The following PCDHA11 variants were observed in gnomAD, a reference collection of about 807,000 sequenced individuals.
PCDHA11 encodes the protein protocadherin alpha-11.
PCDHA11 carries 61 observed loss-of-function variants against 70.3 expected under a neutral mutation model. The observed-to-expected ratio is 0.87, with a 90% confidence interval of 0.71 to 1.07. PCDHA11 has a LOEUF of 1.07. PCDHA11 is among the 50% of genes least tolerant of loss of function. PCDHA11 has a pLI of 0.00. For synonymous variants in PCDHA11, 633 were observed against 555.1 expected (o/e 1.14, Z -1.97); for missense variants, 1,324 against 1,237.5 (o/e 1.07, Z -1.05).
rs959323631 is a variant in PCDHA11 at position 140,967,718 on chromosome 5, C to A, written c.2392-11231C>A. The A allele has an allele frequency of 8.7e-6, 14 of 1,614,106 alleles. 1 individual carries two copies. The South Asian group carries it at 1.5e-4, about 18-fold the overall frequency. ...CATAGATGCCAGTACCGGGGAAGTG[C>A]GAGTAATTGGGGGGCTGGATTATGA... On this transcript the variant is annotated intron_variant, in intron 1 of 3. Transcript: ENST00000398640.
chr5:140,988,526 G>C (rs1330767394), intron 3 of PCDHA11, among the ~76,000 whole-genome samples: 2 of 152,088 alleles, frequency 1.3e-5, no homozygotes, highest in Admixed American at 1.3e-4. Flanking sequence ...GTCTCTGCTG[G>C]CTCCATCCAT....
intron 1 of PCDHA11, among the ~76,000 whole-genome samples, chr5:140,890,921 T>G (rs1165166836): frequency 6.6e-6 from 1 of 152,222 alleles, no homozygotes; most frequent in Non-Finnish European, 1.5e-5. Flanking sequence ...ATTTGAGAGT[T>G]TCCTTTAGTC....
chr5:140,964,964 C>A (rs1035701368), intron 1 of PCDHA11, among the ~76,000 whole-genome samples: 1 of 152,094 alleles, frequency 6.6e-6, no homozygotes, highest in Non-Finnish European at 1.5e-5. Flanking sequence ...GTTGGTGGAA[C>A]GAAGGGATGT....
intron 1 of PCDHA11, chr5:140,966,863 C>T: frequency 6.4e-7 from 1 of 1,562,680 alleles, no homozygotes; most frequent in East Asian, 2.3e-5. Flanking sequence ...GCTGCTGTTG[C>T]TGCTGCTGCT....
chr5:140,929,246 C>T, intron 1 of PCDHA11: 1 of 1,613,738 alleles, frequency 6.2e-7, no homozygotes, highest in Non-Finnish European at 8.5e-7. Context: ...AATCTTGCCA[C>T]TGGGGTAGGA....
At chr5:140,962,077 G>T (rs2095655013) in intron 1 of PCDHA11, among the ~76,000 whole-genome samples, 1 of 151,866 alleles carries the variant, frequency 6.6e-6, no homozygotes, top group South Asian at 2.1e-4. Flanking sequence ...AGTAGAGACG[G>T]GGTTTCACCA....
At chr5:140,880,628 A>T (rs566696364) in intron 1 of PCDHA11, among the ~76,000 whole-genome samples, 46 of 152,352 alleles carry the variant, frequency 3.0e-4, no homozygotes, top group Non-Finnish European at 4.4e-5. Flanking sequence ...GGAGTTAATT[A>T]TCAATTCACT....
rs1478776734 is a variant in PCDHA11 at position 141,010,917 on chromosome 5, A to G, written c.*980A>G. ...TACAATTCCCCTAAACTCTCCTCAA[A>G]AGAGAATTCAGTCTACAGCCATTTA... On this transcript the variant is annotated 3_prime_UTR_variant, in exon 4 of 4. Coordinates refer to ENST00000398640, the MANE Select transcript of PCDHA11 (RefSeq NM_018902.5). The G allele has an allele frequency of 6.5e-6, 1 of 153,776 alleles. No homozygotes were observed. The highest frequency in any genetic ancestry group is 1.5e-5 in the Non-Finnish European group (1 of 68,048). The allele number at this position is 153,776 out of a possible 1,614,324, so 9.5% of individuals were successfully genotyped here.
intron 1 of PCDHA11, among the ~76,000 whole-genome samples, chr5:140,934,142 T>C (rs1359446492): frequency 1.3e-5 from 2 of 152,170 alleles, no homozygotes; most frequent in African/African-American, 4.8e-5. Context: ...TTTCCTTCCT[T>C]ATATGTTTAT....
At chr5:141,009,301 T>C (rs942481990) in intron 3 of PCDHA11, among the ~76,000 whole-genome samples, 1 of 152,122 alleles carries the variant, frequency 6.6e-6, no homozygotes, top group Admixed American at 6.5e-5. Flanking sequence ...TAAAATTTTT[T>C]TTAAAAAGCT....
At chr5:140,883,544 A>T in intron 1 of PCDHA11, 1 of 1,614,168 alleles carries the variant, frequency 6.2e-7, no homozygotes, top group South Asian at 1.1e-5. Flanking sequence ...ACTGGTGGTG[A>T]CCGCGCGGGA....
intron 1 of PCDHA11, chr5:140,877,942 C>T: frequency 7.3e-7 from 1 of 1,367,876 alleles, no homozygotes; most frequent in Admixed American, 3.1e-5. Flanking sequence ...ATCCTTTAAA[C>T]TATCGAATGT....
intron 1 of PCDHA11, among the ~76,000 whole-genome samples, chr5:140,956,665 G>GCTTT (rs1273636843): frequency 1.3e-5 from 2 of 152,004 alleles, no homozygotes; most frequent in Non-Finnish European, 2.9e-5. Flanking sequence ...TGGCCTTAAA[G>GCTTT]GAGTTAGGGA....
At chr5:140,904,152 C>T (rs782254163) in intron 1 of PCDHA11, among the ~76,000 whole-genome samples, 16 of 152,024 alleles carry the variant, frequency 1.1e-4, no homozygotes, top group Non-Finnish European at 2.2e-4. Context: ...ATACATTGCA[C>T]CCAGTTTGTA....
chr5:140,995,998 C>T (rs1197239441), intron 3 of PCDHA11, among the ~76,000 whole-genome samples: 1 of 152,192 alleles, frequency 6.6e-6, no homozygotes, highest in Non-Finnish European at 1.5e-5. Context: ...TCAAAAATGT[C>T]GTCAGAACTA....
rs535981750 is a variant in PCDHA11 at position 140,934,094 on chromosome 5, GCTTT to G, written c.2392-44852_2392-44849del. Among the ~76,000 whole-genome samples, 58 of 151,890 alleles carry G rather than the reference GCTTT, an allele frequency of 3.8e-4. 1 individual carries two copies. The highest frequency in any genetic ancestry group is 6.8e-3 in the Middle Eastern group (2 of 292). ...TTTGGGTTCGCTTTGTTGTATGTTT[GCTTT>G]CTATTTTATTAATTTTCATACTTTA... On this transcript the variant is annotated intron_variant, in intron 1 of 3. Transcript: ENST00000398640.
At chr5:140,993,795 C>T (rs1301191394) in intron 3 of PCDHA11, among the ~76,000 whole-genome samples, 2 of 152,128 alleles carry the variant, frequency 1.3e-5, no homozygotes, top group African/African-American at 2.4e-5. Flanking sequence ...ACATGCTGTG[C>T]AGGTTTGTAG....
At chr5:140,966,741 G>A in intron 1 of PCDHA11, 1 of 1,421,320 alleles carries the variant, frequency 7.0e-7, no homozygotes, top group Non-Finnish European at 9.1e-7. Context: ...GGCCCTGCCC[G>A]GCTGCCTCCG....
At chr5:140,944,124 G>T (rs922088265) in intron 1 of PCDHA11, among the ~76,000 whole-genome samples, 10 of 152,200 alleles carry the variant, frequency 6.6e-5, no homozygotes, top group Admixed American at 6.5e-4. Context: ...TACCAGAGAA[G>T]AAAAGGTTGA....
Sources: gnomAD v4.1 joint callset for allele counts (sites outside exome capture counted in the v4.1 genomes callset) on GRCh38, gnomAD v4.1.1 for gene constraint, MANE v1.5 for transcripts, NCBI Gene and HGNC (gene_info 2026-07-23, HGNC 2026-07-21) for gene names.